The following C12orf42 variants were observed in gnomAD, a reference collection of about 807,000 sequenced individuals.
The protein encoded by C12orf42 is chromosome 12 open reading frame 42, also known as uncharacterized protein C12orf42.
A neutral mutation model predicts 21.6 loss-of-function variants in C12orf42; 25 were observed. The ratio of observed to expected loss-of-function variants is 1.16; its 90% CI spans 0.84 to 1.62. C12orf42 has a LOEUF of 1.62. C12orf42 is among the 40% of genes most tolerant of loss of function. C12orf42 has a pLI of 0.00. For missense variants in C12orf42, 483 were observed against 459.3 expected, an observed-to-expected ratio of 1.05 and a Z score of -0.47; for synonymous variants, 174 against 175.0, an observed-to-expected ratio of 0.99 and a Z score of 0.05.
downstream of C12orf42, among the ~76,000 whole-genome samples, chr12:103,266,817 A>T (rs2035192912): frequency 1.3e-5 from 2 of 152,264 alleles, no homozygotes; most frequent in South Asian, 2.1e-4. Flanking sequence ...TCCAGTCACC[A>T]GGTGTCACAC....
the C12orf42 span, among the ~76,000 whole-genome samples, chr12:103,202,787 T>C: frequency 6.6e-6 from 1 of 152,172 alleles, no homozygotes; most frequent in South Asian, 2.1e-4. Flanking sequence ...GGACAAATAG[T>C]AAAGACCCTG....
chr12:103,531,199 C>A, the C12orf42 span, among the ~76,000 whole-genome samples: 1 of 152,204 alleles, frequency 6.6e-6, no homozygotes, highest in Non-Finnish European at 1.5e-5. Context: ...GTATTCCCCA[C>A]AAGAGAGTTT....
intron 2 of C12orf42, among the ~76,000 whole-genome samples, chr12:103,460,147 T>G (rs900969878): frequency 2.0e-5 from 3 of 152,194 alleles, no homozygotes; most frequent in Non-Finnish European, 4.4e-5. Context: ...TTGAAATTTA[T>G]TTTTGTATAT....
At chr12:103,092,787 A>G in the C12orf42 span, among the ~76,000 whole-genome samples, 1 of 152,224 alleles carries the variant, frequency 6.6e-6, no homozygotes, top group African/African-American at 2.4e-5. Flanking sequence ...TTCACAGTCA[A>G]GGCTATTGCC....
intron 2 of C12orf42, among the ~76,000 whole-genome samples, chr12:103,410,969 A>G (rs1430651451): frequency 6.6e-6 from 1 of 152,216 alleles, no homozygotes; most frequent in Non-Finnish European, 1.5e-5. Context: ...GTCCAAGGAT[A>G]CTCAGTTACC....
At chr12:103,213,365 T>C in the C12orf42 span, among the ~76,000 whole-genome samples, 2 of 152,210 alleles carry the variant, frequency 1.3e-5, no homozygotes. Context: ...TTATCATTGC[T>C]TTCAACCACA....
intron 2 of C12orf42, among the ~76,000 whole-genome samples, chr12:103,452,531 T>C (rs2137511427): frequency 6.6e-6 from 1 of 152,264 alleles, no homozygotes; most frequent in South Asian, 2.1e-4. Context: ...ACTGGGTATA[T>C]ACCCAAAGGG....
chr12:103,353,520 C>G (rs1251124053), intron 4 of C12orf42, among the ~76,000 whole-genome samples: 2 of 152,108 alleles, frequency 1.3e-5, no homozygotes, highest in Non-Finnish European at 2.9e-5. Context: ...CCAGCAGGAA[C>G]AAAAGAGAAA....
chr12:103,527,360 T>G, the C12orf42 span, among the ~76,000 whole-genome samples: 2 of 152,088 alleles, frequency 1.3e-5, no homozygotes, highest in African/African-American at 4.8e-5. Context: ...CCAAATCTCA[T>G]GTTGAAATTT....
the C12orf42 span, among the ~76,000 whole-genome samples, chr12:103,116,006 T>G: frequency 6.6e-6 from 1 of 152,176 alleles, no homozygotes; most frequent in East Asian, 1.9e-4. Context: ...GAGAGTCAAA[T>G]GGAGCAAATT....
At chr12:103,515,946 G>T in the C12orf42 span, among the ~76,000 whole-genome samples, 1 of 152,198 alleles carries the variant, frequency 6.6e-6, no homozygotes, top group African/African-American at 2.4e-5. Context: ...AATGTCATGT[G>T]TAAGAAAGAT....
intron 2 of C12orf42, among the ~76,000 whole-genome samples, chr12:103,428,266 G>A (rs914778576): frequency 6.6e-5 from 10 of 151,440 alleles, no homozygotes; most frequent in Non-Finnish European, 1.3e-4. Flanking sequence ...AACAGACACA[G>A]TAAAAGATGA....
At chr12:103,207,555 C>A in the C12orf42 span, among the ~76,000 whole-genome samples, 1 of 152,162 alleles carries the variant, frequency 6.6e-6, no homozygotes, top group Admixed American at 6.5e-5. Context: ...GAAAATAAAA[C>A]CCAGAAGGAG....
chr12:103,264,976 C>A (rs147698665), downstream of C12orf42, among the ~76,000 whole-genome samples: 7 of 152,198 alleles, frequency 4.6e-5, no homozygotes, highest in East Asian at 1.2e-3. Context: ...GGCTTCTTAA[C>A]AATAGAAATT....
the C12orf42 span, among the ~76,000 whole-genome samples, chr12:103,507,281 A>T: frequency 1.7e-3 from 101 of 60,480 alleles, 6 homozygotes; most frequent in African/African-American, 3.1e-3. Flanking sequence ...TATTATATAT[A>T]TTTTTTTTTA....
intron 10 of C12orf42, among the ~76,000 whole-genome samples, chr12:103,249,632 G>C (rs181351322): frequency 7.6e-4 from 116 of 152,142 alleles, no homozygotes; most frequent in Non-Finnish European, 7.4e-5. Context: ...TTCAATCCGA[G>C]AGAGAAGGCA....
the C12orf42 span, among the ~76,000 whole-genome samples, chr12:103,193,040 G>A: frequency 6.6e-6 from 1 of 152,026 alleles, no homozygotes; most frequent in Non-Finnish European, 1.5e-5. Flanking sequence ...TATTCCATAA[G>A]TATCTTTCCC....
chr12:103,543,101 G>A, the C12orf42 span, among the ~76,000 whole-genome samples: 16 of 152,290 alleles, frequency 1.1e-4, 1 homozygote, highest in African/African-American at 3.8e-4. Context: ...TGGTTGAGAT[G>A]ACAAAGAACT....
chr12:103,225,587 T>C, the C12orf42 span, among the ~76,000 whole-genome samples: 3 of 151,408 alleles, frequency 2.0e-5, no homozygotes, highest in Non-Finnish European at 4.4e-5. Context: ...AGGGCGGCAA[T>C]GAGATATAGC....
Sources: gnomAD v4.1 joint callset for allele counts (sites outside exome capture counted in the v4.1 genomes callset) on GRCh38, gnomAD v4.1.1 for gene constraint, MANE v1.5 for transcripts, NCBI Gene and HGNC (gene_info 2026-07-23, HGNC 2026-07-21) for gene names.